The following SPATC1L variants were observed in gnomAD, a reference collection of about 807,000 sequenced individuals.
SPATC1L encodes speriolin-like protein.
SPATC1L carries 20 observed loss-of-function variants against 21.2 expected under a neutral mutation model. That is an observed-to-expected ratio of 0.94 (90% confidence interval 0.66 to 1.37). The LOEUF (loss-of-function observed/expected upper bound fraction) is 1.37. Among genes scored for constraint, SPATC1L ranks in the 40% most tolerant of loss-of-function variants. The pLI, the probability that SPATC1L is intolerant of heterozygous loss-of-function variation, is 0.00. For synonymous variants in SPATC1L, 290 were observed against 234.5 expected (o/e 1.24, Z -2.16); for missense variants, 499 against 478.7 (o/e 1.04, Z -0.40).
chr21:46,173,073 G>A (rs2079605711), intron 2 of SPATC1L, among the ~76,000 whole-genome samples: 1 of 152,228 alleles, frequency 6.6e-6, no homozygotes, highest in Non-Finnish European at 1.5e-5. Flanking sequence ...AGAGGGTCTG[G>A]TGCAGGAACA....
At chr21:46,173,788 A>G (rs538913965) in intron 2 of SPATC1L, among the ~76,000 whole-genome samples, 1 of 151,996 alleles carries the variant, frequency 6.6e-6, no homozygotes, top group East Asian at 1.9e-4. Flanking sequence ...ACTGTGGTGA[A>G]CCCCCACAGG....
At chr21:46,165,005 G>A (rs958797933) in intron 3 of SPATC1L, among the ~76,000 whole-genome samples, 1 of 151,842 alleles carries the variant, frequency 6.6e-6, no homozygotes, top group Non-Finnish European at 1.5e-5. Flanking sequence ...CCAGACTTAG[G>A]GGAAAAAAGA....
At chr21:46,162,312 A>C (rs1270307540) in intron 3 of SPATC1L, among the ~76,000 whole-genome samples, 2 of 152,008 alleles carry the variant, frequency 1.3e-5, no homozygotes, top group South Asian at 4.1e-4. Flanking sequence ...TAAACCTTTT[A>C]ATCTCGGGGG....
Position 46,182,777 on chromosome 21 carries a change from C to G in SPATC1L, c.40G>C (p.Glu14Gln), listed in dbSNP as rs143719440. ...ACCTGCTTCTTCAGGTCCGCGTTCT[C>G]GCTCAGGAGCCGGCTCATCAGCTCG... ...GGELMSRLLS[E>Q]NADLKKQVRL... The change falls in exon 2 of 5, where the codon GAG (glutamate) becomes CAG (glutamine). Residue 14 changes from glutamate (E) to glutamine (Q), a missense_variant. Transcript: ENST00000291672. 6.5e-7 allele frequency: 1 copy of G among 1,546,612 alleles called. No homozygotes were observed. The highest frequency in any genetic ancestry group is 2.0e-5 in the Admixed American group (1 of 50,864).
At chr21:46,180,863 G>C (rs1452070570) in intron 2 of SPATC1L, among the ~76,000 whole-genome samples, 1 of 152,222 alleles carries the variant, frequency 6.6e-6, no homozygotes, top group Non-Finnish European at 1.5e-5. Context: ...CTCAGGTTGA[G>C]GCTCCTCCCA....
intron 2 of SPATC1L, among the ~76,000 whole-genome samples, chr21:46,171,941 A>G (rs1213518222): frequency 1.4e-5 from 1 of 72,180 alleles, no homozygotes; most frequent in African/African-American, 1.0e-4. Flanking sequence ...AACCCCCAGA[A>G]AAAAAAAAAA....
rs1017434606 is a variant in SPATC1L, at chr21:46,161,276, G to A, written c.*103C>T. 3.4e-6 allele frequency: 4 copies of A among 1,161,350 alleles called. No homozygotes were observed. The highest frequency in any genetic ancestry group is 3.3e-5 in the African/African-American group (2 of 61,058). The allele number at this position is 1,161,350 out of a possible 1,614,324, so 71.9% of individuals were successfully genotyped here. A position where few individuals can be genotyped will look rare whatever the true frequency, so the allele number is the denominator to read the frequency against. The stretch of plus-strand genomic sequence containing the variant: ...GGGCCTTCTCTGGCCTCGCGCGCGG[G>A]GGACGCGGCCCTTTCCCCTCCGGGG... On this transcript the variant is annotated 3_prime_UTR_variant, in exon 5 of 5. Coordinates refer to ENST00000291672, the MANE Select transcript of SPATC1L (RefSeq NM_001142854.2).
intron 3 of SPATC1L, among the ~76,000 whole-genome samples, 158 bp from the exon 4 acceptor site, chr21:46,162,225 C>G (rs1302293741): frequency 6.6e-6 from 1 of 152,166 alleles, no homozygotes; most frequent in African/African-American, 2.4e-5. Flanking sequence ...AGAAAAGGAG[C>G]TTCTTAAAGT....
In SPATC1L at chr21:46,168,455, GCTTCCTGTCGGTGCCT is replaced by G; in HGVS notation, c.381_396del (p.Gly128CysfsTer5). 1 of 1,600,198 alleles carries G rather than the reference GCTTCCTGTCGGTGCCT, an allele frequency of 6.2e-7. No homozygotes were observed. Among genetic ancestry groups the G allele is most frequent in the Middle Eastern group, 1.7e-4 (1 of 6,038 alleles). ...TGCAAGGGGCTCAGGAGCGGGGACAGCTTCCTGTCGGTGCCTCGGTGGCTATGTGGCTCTGGGGGAC... is the reference window on the plus strand; with the variant it reads ...TGCAAGGGGCTCAGGAGCGGGGACAGCGGTGGCTATGTGGCTCTGGGGGAC... On this transcript the variant is annotated frameshift_variant, in exon 3 of 5. Transcript: ENST00000291672. LOFTEE classifies it high-confidence loss of function.
chr21:46,162,961 A>AC (rs2079513605), intron 3 of SPATC1L, among the ~76,000 whole-genome samples: 1 of 150,012 alleles, frequency 6.7e-6, no homozygotes, highest in African/African-American at 2.4e-5. Flanking sequence ...CTGCTTCCGA[A>AC]CCCCCCTCCC....
intron 2 of SPATC1L, among the ~76,000 whole-genome samples, chr21:46,172,214 G>T (rs1468132675): frequency 1.3e-5 from 2 of 151,144 alleles, no homozygotes; most frequent in African/African-American, 4.9e-5. Context: ...GTGAGGCGGG[G>T]GTTGTGCAGA....
At chr21:46,162,253 C>T (rs2079504906) in intron 3 of SPATC1L, among the ~76,000 whole-genome samples, 186 bp from the exon 4 acceptor site, 1 of 152,186 alleles carries the variant, frequency 6.6e-6, no homozygotes, top group Admixed American at 6.5e-5. Flanking sequence ...GGCAAGCCAG[C>T]CTTCCCTTCC....
chr21:46,171,548 C>T (rs1331409554), intron 2 of SPATC1L, among the ~76,000 whole-genome samples: 1 of 151,690 alleles, frequency 6.6e-6, no homozygotes, highest in Non-Finnish European at 1.5e-5. Context: ...CCTCCTGCCA[C>T]GTGGGAGGCC....
At position 46,161,895 on chromosome 21, in the gene SPATC1L, C is replaced by T. The variant is rs760821855; in HGVS notation, c.696+21G>A. ...CGAGCGCCCCGCACCCTCCTGGCCG[C>T]GCCCTCCCCACGGGGCGCACCTGCT... On this transcript the variant is annotated intron_variant, in intron 4 of 4. Coordinates refer to ENST00000291672, the MANE Select transcript of SPATC1L (RefSeq NM_001142854.2). The T allele has an allele frequency of 8.1e-6, 13 of 1,601,230 alleles. No individual in the cohort carries two copies. In the East Asian group the frequency reaches 1.1e-4, roughly 14 times the overall value.
chr21:46,165,607 C>T (rs1568997694), intron 3 of SPATC1L, among the ~76,000 whole-genome samples: 1 of 144,024 alleles, frequency 6.9e-6, no homozygotes, highest in Non-Finnish European at 1.5e-5. Flanking sequence ...CTATAGAAAC[C>T]TTCTGACTAG....
At chr21:46,166,738 AAT>A (rs2079543219) in intron 3 of SPATC1L, among the ~76,000 whole-genome samples, 1 of 152,230 alleles carries the variant, frequency 6.6e-6, no homozygotes, top group South Asian at 2.1e-4. Context: ...AACAGTTATA[AAT>A]ATATATGCAC....
In SPATC1L at chr21:46,182,688, G is replaced by A. The variant is rs973736433; in HGVS notation, c.129C>T (p.Gly43=). 37 of 1,542,778 alleles carry A rather than the reference G, an allele frequency of 2.4e-5. No individual in the cohort carries two copies. The highest frequency in any genetic ancestry group is 3.9e-5 in the Admixed American group (2 of 50,870). ...RLLSQSCQEG[G]GHDLLPPRAH... ...CCCTGGGTGGGAGCAGGTCGTGGCCGCCGCCCTCCTGGCAGCTCTGGCTGA... is the reference window on the plus strand; with the variant it reads ...CCCTGGGTGGGAGCAGGTCGTGGCCACCGCCCTCCTGGCAGCTCTGGCTGA... The change falls in exon 2 of 5, where the codon GGC becomes GGT. Residue 43 remains glycine, a synonymous_variant. Transcript: ENST00000291672.
At chr21:46,161,771 A>C (rs1285675274) in intron 4 of SPATC1L, 66 bp from the exon 5 acceptor site, 5 of 1,490,682 alleles carry the variant, frequency 3.4e-6, no homozygotes, top group African/African-American at 1.4e-5. Context: ...TTCCAGGCCC[A>C]GGGCCGATCC....
chr21:46,184,292 T>G (rs1307956429), intron 1 of SPATC1L, 64 bp downstream of exon 1: 1 of 154,008 alleles, frequency 6.5e-6, no homozygotes, highest in Non-Finnish European at 1.5e-5. Flanking sequence ...CTGTCCTCAG[T>G]CAGTGCGACC....
Sources: allele counts gnomAD v4.1 joint callset (sites outside exome capture counted in the v4.1 genomes callset), GRCh38; gene constraint gnomAD v4.1.1; transcripts MANE v1.5; gene names NCBI Gene and HGNC (gene_info 2026-07-23, HGNC 2026-07-21).